The following FHDC1 variants were observed in gnomAD, a reference collection of about 807,000 sequenced individuals.
The protein encoded by FHDC1 is FH2 domain-containing protein 1.
A neutral mutation model predicts 52.6 loss-of-function variants in FHDC1; 25 were observed. The ratio of observed to expected loss-of-function variants is 0.48; its 90% CI spans 0.35 to 0.66. FHDC1 has a LOEUF of 0.66. Ranked by LOEUF, FHDC1 falls within the 30% of genes least tolerant of loss-of-function variation. FHDC1 has a pLI of 0.01. For missense variants in FHDC1, 1,459 were observed against 1,452.8 expected (o/e 1.00, Z -0.07); for synonymous variants, 616 against 581.5 (o/e 1.06, Z -0.85).
Position 152,954,308 on chromosome 4 carries a change from G to C in FHDC1, c.652G>C (p.Glu218Gln). Residue 218 changes from glutamate to glutamine, a missense_variant, in exon 4 of 12, where the codon GAG becomes CAG. Physicochemically the swap from Glu to Gln is conservative, Grantham distance 29. Coordinates refer to ENST00000511601, the MANE Select transcript of FHDC1 (RefSeq NM_001371116.1). ...TLREFLKFLP[E>Q]SEEVKKLKAF... ...GCGAGAATTTCTTAAGTTTTTGCCAGAGTCAGAAGAGGTAAGAAATTCAGC... is the reference window on the plus strand; with the variant it reads ...GCGAGAATTTCTTAAGTTTTTGCCACAGTCAGAAGAGGTAAGAAATTCAGC... 6.2e-7 allele frequency: 1 copy of C among 1,613,762 alleles called. No homozygotes were observed. Among genetic ancestry groups the C allele is most frequent in the East Asian group, 2.2e-5 (1 of 44,880 alleles).
intron 11 of FHDC1, 108 bp from the exon 12 acceptor site, chr4:152,974,567 C>T (rs1352854280): frequency 6.9e-7 from 1 of 1,458,846 alleles, no homozygotes; most frequent in East Asian, 2.3e-5. Context: ...TGACCCTGAG[C>T]TCCCCTCCAT....
At chr4:152,935,523 C>G (rs185868684), upstream of FHDC1, among the ~76,000 whole-genome samples, 3 of 152,294 alleles carry the variant, frequency 2.0e-5, no homozygotes, top group East Asian at 1.9e-4. Context: ...CTTTCCCAGA[C>G]AGCGTGCGTT....
Position 152,964,886 on chromosome 4 carries a change from A to C in FHDC1, c.1030-19A>C. ...CAGTTTTATCAACATAGTGAGATAA[A>C]ATTCTGTTTTTGTTCCAGGAAGCCC... On this transcript the variant is annotated intron_variant, in intron 8 of 11. Coordinates refer to ENST00000511601, the MANE Select transcript of FHDC1 (RefSeq NM_001371116.1). The C allele has an allele frequency of 6.3e-7, 1 of 1,598,480 alleles. No homozygotes were observed. The highest frequency in any genetic ancestry group is 8.5e-7 in the Non-Finnish European group (1 of 1,171,232).
chr4:152,946,444 T>A (rs775149310), intron 2 of FHDC1, among the ~76,000 whole-genome samples: 1 of 152,240 alleles, frequency 6.6e-6, no homozygotes, highest in Non-Finnish European at 1.5e-5. Flanking sequence ...TTATATATAC[T>A]TTTTTACAGT....
At chr4:152,968,223 A>G (rs1740524977) in intron 10 of FHDC1, 126 bp downstream of exon 10, 1 of 650,150 alleles carries the variant, frequency 1.5e-6, no homozygotes, top group Non-Finnish European at 2.7e-6. Flanking sequence ...TCTCCAAGTT[A>G]GTCAGAGGAA....
upstream of FHDC1, among the ~76,000 whole-genome samples, chr4:152,931,924 G>A (rs1208247827): frequency 1.6e-5 from 2 of 126,826 alleles, no homozygotes; most frequent in African/African-American, 6.5e-5. Context: ...GTGATGGAGC[G>A]AGAACCTGTC....
intron 10 of FHDC1, among the ~76,000 whole-genome samples, chr4:152,970,845 G>A (rs552217096): frequency 3.9e-5 from 6 of 152,236 alleles, no homozygotes; most frequent in East Asian, 3.9e-4. Context: ...AATAGGTGGC[G>A]TCTTCACAGA....
chr4:152,913,053 A>G, the FHDC1 span, among the ~76,000 whole-genome samples: 2 of 152,196 alleles, frequency 1.3e-5, no homozygotes, highest in African/African-American at 4.8e-5. Flanking sequence ...AAACTGACTT[A>G]GCCAACCCCC....
intron 10 of FHDC1, among the ~76,000 whole-genome samples, chr4:152,969,828 C>G (rs1740583213): frequency 6.6e-6 from 1 of 152,084 alleles, no homozygotes; most frequent in South Asian, 2.1e-4. Context: ...TGTCACCACA[C>G]CAGGCTAATT....
Position 152,975,009 on chromosome 4 carries a change from G to A in FHDC1, c.1718G>A (p.Arg573Gln), listed in dbSNP as rs760641446. 6.8e-6 allele frequency: 11 copies of A among 1,612,464 alleles called. No homozygotes were observed. The South Asian group carries it at 7.7e-5, about 11-fold the overall frequency. Reference protein sequence around the residue: ...EEPNKFHSLPRSSPRQARPTI... With the variant: ...EEPNKFHSLPQSSPRQARPTI... ...CCCAATAAGTTCCACAGCCTGCCCCGGAGCAGCCCCCGGCAGGCCCGGCCC... is the reference window on the plus strand; with the variant it reads ...CCCAATAAGTTCCACAGCCTGCCCCAGAGCAGCCCCCGGCAGGCCCGGCCC... The change falls in exon 12 of 12, where the codon CGG (arginine) becomes CAG (glutamine). Residue 573 changes from arginine (R) to glutamine (Q), a missense_variant. Arg to Gln is a conservative substitution (Grantham distance 43). This residue lies in a region of FHDC1 where 939 missense variants were observed against 854.5 expected (regional missense o/e 1.10). Coordinates refer to ENST00000511601, the MANE Select transcript of FHDC1 (RefSeq NM_001371116.1).
At chr4:152,953,660 C>A in intron 3 of FHDC1, 100 bp downstream of exon 3, 1 of 991,198 alleles carries the variant, frequency 1.0e-6, no homozygotes, top group Non-Finnish European at 1.6e-6. Context: ...CTCACACCTT[C>A]AAATCCTTCT....
chr4:152,960,892 A>G (rs1355860082), intron 6 of FHDC1, 48 bp downstream of exon 6: 4 of 1,413,286 alleles, frequency 2.8e-6, no homozygotes, highest in African/African-American at 1.4e-5. Flanking sequence ...ATTAATTTCG[A>G]TAGCAGTTTT....
At chr4:152,918,184 T>G in the FHDC1 span, among the ~76,000 whole-genome samples, 1 of 152,222 alleles carries the variant, frequency 6.6e-6, no homozygotes, top group Non-Finnish European at 1.5e-5. Context: ...AAACAAGTCT[T>G]TTTTCCCCAA....
At chr4:152,929,797 C>T in the FHDC1 span, among the ~76,000 whole-genome samples, 36 of 152,098 alleles carry the variant, frequency 2.4e-4, no homozygotes, top group African/African-American at 7.5e-4. This position sits in a 1 kb window ranked among gnomAD's most constrained non-coding sequence, Gnocchi z 4.1. Flanking sequence ...GAAGGCATGC[C>T]GTAAAGGAGG....
Position 152,978,352 on chromosome 4 carries a change from C to G in FHDC1, c.*1629C>G, listed in dbSNP as rs557408674. The G allele has an allele frequency of 6.6e-6, 1 of 152,310 alleles. No individual in the cohort carries two copies. Among genetic ancestry groups the G allele is most frequent in the East Asian group, 1.9e-4 (1 of 5,186 alleles). 9.4% of individuals were successfully genotyped at this position (152,310 alleles called of 1,614,324 possible). ...CATGGCCTGGAGAGAGTCTCTCTCT[C>G]CTTGTCTCTGTCTCTTAATAATAGT... is the stretch of plus-strand genomic sequence containing the variant. On this transcript the variant is annotated 3_prime_UTR_variant, in exon 12 of 12. Coordinates refer to ENST00000511601, the MANE Select transcript of FHDC1 (RefSeq NM_001371116.1).
the FHDC1 span, chr4:152,911,781 T>C: frequency 1.2e-4 from 19 of 152,736 alleles, no homozygotes; most frequent in East Asian, 3.7e-3. Context: ...TTCCTTCCTG[T>C]ATATTTGTAC....
At position 152,943,224 on chromosome 4, in the gene FHDC1, C is replaced by T. The variant is rs2149937228; in HGVS notation, c.167C>T (p.Ser56Phe). Residue 56 changes from serine (S) to phenylalanine (F), a missense_variant, in exon 2 of 12, where the codon TCC (serine) becomes TTC (phenylalanine). Coordinates refer to ENST00000511601, the MANE Select transcript of FHDC1 (RefSeq NM_001371116.1). ...TCATGTTCAAGGGAAGAGTGTCCTT[C>T]CTCCCCTCCTCCACCCCCACCACCT... The part of the protein sequence containing the change: ...PCSCSREECP[S>F]SPPPPPPPPL... 8 of 1,604,160 alleles carry T rather than the reference C, an allele frequency of 5.0e-6. No homozygotes were observed. The highest frequency in any genetic ancestry group is 6.0e-6 in the Non-Finnish European group (7 of 1,175,218).
chr4:152,925,588 A>G, the FHDC1 span, among the ~76,000 whole-genome samples: 3 of 152,286 alleles, frequency 2.0e-5, no homozygotes, highest in East Asian at 3.9e-4. Flanking sequence ...AAGAAGACCA[A>G]TTTTATTTAG....
the FHDC1 span, among the ~76,000 whole-genome samples, chr4:152,930,498 A>G: frequency 6.6e-6 from 1 of 152,142 alleles, no homozygotes; most frequent in East Asian, 1.9e-4. Context: ...AAGGAGTCCT[A>G]GATTTAACCC....
Sources: allele counts gnomAD v4.1 joint callset (sites outside exome capture counted in the v4.1 genomes callset), GRCh38; gene constraint gnomAD v4.1.1; regional missense constraint gnomAD v4.1.1; non-coding constraint Gnocchi (gnomAD v3.1); transcripts MANE v1.5; gene names NCBI Gene and HGNC (gene_info 2026-07-23, HGNC 2026-07-21).